IFT52: variants seen among roughly 807,000 people sequenced by gnomAD.
The protein encoded by IFT52 is intraflagellar transport protein 52 homolog.
Under a neutral mutation model 54.4 loss-of-function variants are expected in IFT52, and 44 were observed. The observed-to-expected ratio is 0.81, with a 90% CI of 0.63 to 1.04. The LOEUF (loss-of-function observed/expected upper bound fraction) is 1.04, where lower values mean the gene tolerates loss of function less well. Among genes scored for constraint, IFT52 ranks in the 50% least tolerant of loss-of-function variants. IFT52 has a pLI of 0.00. For missense variants in IFT52, 452 were observed against 523.6 expected, an observed-to-expected ratio of 0.86 and a Z score of 1.33; for synonymous variants, 181 against 185.3, an observed-to-expected ratio of 0.98 and a Z score of 0.19.
At chr20:43,619,997 A>T (rs1474077717) in intron 8 of IFT52, among the ~76,000 whole-genome samples, 1 of 146,906 alleles carries the variant, frequency 6.8e-6, no homozygotes, top group Non-Finnish European at 1.5e-5. Context: ...GCTCACTGCA[A>T]CCATCGCCTC....
chr20:43,642,639 A>G lies in IFT52; in HGVS notation c.1266+15A>G, dbSNP rs771808339. The G allele has an allele frequency of 7.3e-5, 118 of 1,613,238 alleles. No homozygotes were observed. The Admixed American group carries it at 1.7e-3, about 23-fold the overall frequency. On this transcript the variant is annotated intron_variant, in intron 13 of 13. Transcript: ENST00000373030. ...AATTGAACCAGGTACAGAGCCTACA[A>G]GGCACAGTGTAGTGGGAGCCCCTCC...
chr20:43,633,271 A>G (rs898999985), intron 10 of IFT52, among the ~76,000 whole-genome samples: 1 of 151,988 alleles, frequency 6.6e-6, no homozygotes, highest in Non-Finnish European at 1.5e-5. Flanking sequence ...TGAACCCGGA[A>G]GGCGGAGGTT....
At chr20:43,603,583 C>T (rs372362664) in intron 3 of IFT52, among the ~76,000 whole-genome samples, 177 bp from the exon 4 acceptor site, 4 of 152,248 alleles carry the variant, frequency 2.6e-5, no homozygotes, top group African/African-American at 9.6e-5. Flanking sequence ...GAGCTTTATG[C>T]TCAAAGACAA....
At chr20:43,646,879 T>C (rs1986234659) in intron 13 of IFT52, 57 bp from the exon 14 acceptor site, 1 of 1,374,402 alleles carries the variant, frequency 7.3e-7, no homozygotes. Context: ...CTGAAGAGTT[T>C]ACATTTCAGG....
intron 6 of IFT52, among the ~76,000 whole-genome samples, chr20:43,613,273 A>C (rs1396627546): frequency 1.3e-5 from 2 of 152,236 alleles, no homozygotes; most frequent in African/African-American, 4.8e-5. Flanking sequence ...TATGCAGAGC[A>C]GCTTGAGTTC....
chr20:43,637,127 G>A lies in IFT52; in HGVS notation c.1012-18G>A, dbSNP rs758084788. The A allele has an allele frequency of 6.6e-7, 1 of 1,515,388 alleles. No homozygotes were observed. Among genetic ancestry groups the A allele is most frequent in the Non-Finnish European group, 9.2e-7 (1 of 1,091,274 alleles). The allele number at this position is 1,515,388 out of a possible 1,614,324, so 93.9% of individuals were successfully genotyped here. A position where few individuals can be genotyped will look rare whatever the true frequency, so the allele number is the denominator to read the frequency against. On this transcript the variant is annotated intron_variant, in intron 11 of 13. Coordinates refer to ENST00000373030, the MANE Select transcript of IFT52 (RefSeq NM_016004.5). ...TTATCCTCCCTCATTTCTAAATAAT[G>A]ACTTTATTTCCTTTTAGGTTTTTCC...
At chr20:43,602,153 T>TTATG (rs2145595605) in intron 3 of IFT52, among the ~76,000 whole-genome samples, 1 of 150,516 alleles carries the variant, frequency 6.6e-6, no homozygotes, top group East Asian at 1.9e-4. Context: ...TTTTATTTAT[T>TTATG]TATTTATTTA....
chr20:43,631,117 T>A, intron 10 of IFT52, among the ~76,000 whole-genome samples: 1 of 152,194 alleles, frequency 6.6e-6, no homozygotes, highest in African/African-American at 2.4e-5. Flanking sequence ...TTGGCAGAGA[T>A]TGGCTACGTC....
At chr20:43,638,461 G>A (rs912319813) in intron 12 of IFT52, among the ~76,000 whole-genome samples, 25 of 152,070 alleles carry the variant, frequency 1.6e-4, no homozygotes, top group African/African-American at 6.0e-4. Flanking sequence ...AAAGTGCTGG[G>A]ATTACAGGCA....
chr20:43,632,986 AT>A (rs1456595604), intron 10 of IFT52, among the ~76,000 whole-genome samples: 3 of 151,490 alleles, frequency 2.0e-5, no homozygotes, highest in Non-Finnish European at 4.4e-5. Flanking sequence ...TACATTATTT[AT>A]AACAACACAT....
At chr20:43,604,385 C>T in intron 5 of IFT52, 127 bp downstream of exon 5, 2 of 610,388 alleles carry the variant, frequency 3.3e-6, no homozygotes, top group Non-Finnish European at 5.8e-6. Context: ...GCCTGGCCAA[C>T]ATGGTGAAAC....
At chr20:43,602,155 A>ATTT (rs1982512435) in intron 3 of IFT52, among the ~76,000 whole-genome samples, 3 of 150,226 alleles carry the variant, frequency 2.0e-5, no homozygotes, top group Non-Finnish European at 4.4e-5. Context: ...TTATTTATTT[A>ATTT]TTTATTTATT....
chr20:43,619,723 G>A (rs1340855723), intron 8 of IFT52, among the ~76,000 whole-genome samples: 1 of 152,120 alleles, frequency 6.6e-6, no homozygotes, highest in Non-Finnish European at 1.5e-5. Flanking sequence ...ATGTCTTACG[G>A]AAGATGGCAG....
chr20:43,607,426 G>A (rs1983019895), intron 6 of IFT52, among the ~76,000 whole-genome samples: 1 of 146,776 alleles, frequency 6.8e-6, no homozygotes, highest in Non-Finnish European at 1.5e-5. Context: ...GGCGGCTGCC[G>A]GGCGGAGGGG....
At chr20:43,609,775 CAAAAAAAA>C (rs57268776) in intron 6 of IFT52, among the ~76,000 whole-genome samples, 12 of 47,190 alleles carry the variant, frequency 2.5e-4, no homozygotes, top group Middle Eastern at 0.019. Flanking sequence ...AACTCCGTCT[CAAAAAAAA>C]AAAAAAAAAA....
chr20:43,625,268 T>C (rs1284711324), intron 10 of IFT52, among the ~76,000 whole-genome samples: 1 of 152,058 alleles, frequency 6.6e-6, no homozygotes. Flanking sequence ...CCTAGCACTT[T>C]GGGAGGCCAA....
intron 5 of IFT52, among the ~76,000 whole-genome samples, chr20:43,604,661 T>C (rs1040244960): frequency 2.0e-5 from 3 of 152,174 alleles, no homozygotes; most frequent in Admixed American, 2.0e-4. Context: ...CATACATTCT[T>C]TTCACTGCCC....
intron 10 of IFT52, among the ~76,000 whole-genome samples, chr20:43,627,123 C>T (rs1338122860): frequency 6.6e-6 from 1 of 151,390 alleles, no homozygotes; most frequent in Non-Finnish European, 1.5e-5. Flanking sequence ...GCCAAGAACA[C>T]ACCACTGGAC....
intron 3 of IFT52, among the ~76,000 whole-genome samples, chr20:43,601,548 T>C (rs1982441952): frequency 6.6e-6 from 1 of 152,196 alleles, no homozygotes; most frequent in African/African-American, 2.4e-5. Context: ...TGTATCTTTT[T>C]CTTAAAATGC....
Sources: allele counts gnomAD v4.1 joint callset (sites outside exome capture counted in the v4.1 genomes callset), GRCh38; gene constraint gnomAD v4.1.1; transcripts MANE v1.5; gene names NCBI Gene and HGNC (gene_info 2026-07-23, HGNC 2026-07-21).